The following IL22RA1 variants were observed in gnomAD, a reference collection of about 807,000 sequenced individuals.
The protein encoded by IL22RA1 is interleukin-22 receptor subunit alpha-1.
In IL22RA1, 25 loss-of-function variants were observed where a neutral mutation model predicts 32.8. That is an observed-to-expected ratio of 0.76 (90% CI 0.55 to 1.06). IL22RA1 has a LOEUF of 1.06. IL22RA1 is among the 50% of genes least tolerant of loss of function. IL22RA1 has a pLI of 0.00. For missense variants in IL22RA1, 709 were observed against 727.4 expected, an observed-to-expected ratio of 0.97 and a Z score of 0.29; for synonymous variants, 305 against 305.0, an observed-to-expected ratio of 1.00 and a Z score of 0.00.
chr1:24,125,726 G>A (rs997782632), intron 5 of IL22RA1, among the ~76,000 whole-genome samples: 1 of 152,024 alleles, frequency 6.6e-6, no homozygotes, highest in Non-Finnish European at 1.5e-5. Flanking sequence ...TGTAAAACGA[G>A]GATGATGCTA....
intron 2 of IL22RA1, 126 bp from the exon 3 acceptor site, chr1:24,137,435 G>A (rs1644250057): frequency 1.4e-6 from 1 of 730,782 alleles, no homozygotes; most frequent in Non-Finnish European, 2.2e-6. Flanking sequence ...GGCCCTTTAT[G>A]CGAATGATCT....
rs374384050 is a variant in IL22RA1, at chr1:24,134,397, G to A, written c.356-11C>T. The stretch of plus-strand genomic sequence containing the variant: ...GTGGCTTGAGGGTAGCTGGGGATAG[G>A]GAGAGAGAAAAGAGAAAAGAAAAAG... On this transcript the variant is annotated splice_polypyrimidine_tract_variant and intron_variant, in intron 3 of 6. Transcript: ENST00000270800. 1.2e-5 allele frequency: 18 copies of A among 1,466,146 alleles called. No individual in the cohort carries two copies. In the African/African-American group the frequency reaches 1.5e-4, roughly 12 times the overall value. The allele number at this position is 1,466,146 out of a possible 1,614,324, so 90.8% of individuals were successfully genotyped here. A position where few individuals can be genotyped will look rare whatever the true frequency, so the allele number is the denominator to read the frequency against.
At chr1:24,126,881 T>A (rs1209508733) in intron 5 of IL22RA1, among the ~76,000 whole-genome samples, 1 of 152,008 alleles carries the variant, frequency 6.6e-6, no homozygotes, top group African/African-American at 2.4e-5. Flanking sequence ...GATTCAAAAC[T>A]ATATCTAGGC....
Position 24,134,143 on chromosome 1 carries a change from A to G in IL22RA1, c.531+68T>C, listed in dbSNP as rs1644225496. 6 of 1,378,352 alleles carry G rather than the reference A, an allele frequency of 4.4e-6. No individual in the cohort carries two copies. In the South Asian group the frequency reaches 6.6e-5, roughly 15 times the overall value. The allele number at this position is 1,378,352 out of a possible 1,614,324, so 85.4% of individuals were successfully genotyped here. ...CATGTCCCCTTTTTTTCTTAAAGCA[A>G]CTCAGATCTAATTGGGAGGGAAGAG... On this transcript the variant is annotated intron_variant, in intron 4 of 6. Coordinates refer to ENST00000270800, the MANE Select transcript of IL22RA1 (RefSeq NM_021258.4).
intron 4 of IL22RA1, 25 bp downstream of exon 4, chr1:24,134,186 A>G: frequency 6.3e-7 from 1 of 1,578,952 alleles, no homozygotes; most frequent in Non-Finnish European, 8.6e-7. Flanking sequence ...AGGCAGAGAA[A>G]GACCAGGGTG....
chr1:24,134,752 G>T, intron 3 of IL22RA1: 1 of 693,888 alleles, frequency 1.4e-6, no homozygotes, highest in Non-Finnish European at 1.8e-6. Flanking sequence ...TGACAGCTTT[G>T]GGGATGTCAA....
intron 2 of IL22RA1, 48 bp downstream of exon 2, chr1:24,138,534 G>C (rs763277177): frequency 6.2e-7 from 1 of 1,607,170 alleles, no homozygotes; most frequent in Admixed American, 1.7e-5. Context: ...TTGGAGAGGG[G>C]CTGGCTTCAG....
chr1:24,137,873 G>T (rs75773690), intron 2 of IL22RA1, among the ~76,000 whole-genome samples: 1 of 152,168 alleles, frequency 6.6e-6, no homozygotes, highest in East Asian at 1.9e-4. Flanking sequence ...AATTGCCCAC[G>T]TGTTTGAAGT....
intron 4 of IL22RA1, 24 bp from the exon 5 acceptor site, chr1:24,128,303 G>A (rs1644178975): frequency 6.2e-7 from 1 of 1,612,596 alleles, no homozygotes; most frequent in Admixed American, 1.7e-5. Context: ...AGAATGGAAT[G>A]TGATTCCTGT....
chr1:24,134,665 GC>G (rs1224707929), intron 3 of IL22RA1, among the ~76,000 whole-genome samples: 1 of 152,132 alleles, frequency 6.6e-6, no homozygotes, highest in Non-Finnish European at 1.5e-5. Flanking sequence ...CCTTTGGCTT[GC>G]CCCCACACAT....
chr1:24,121,257 G>A lies in IL22RA1; in HGVS notation c.1273C>T (p.Leu425Phe), dbSNP rs1307459938. Residue 425 changes from leucine to phenylalanine, a missense_variant, in exon 7 of 7, where the codon CTT (leucine) becomes TTT (phenylalanine). Coordinates refer to ENST00000270800, the MANE Select transcript of IL22RA1 (RefSeq NM_021258.4). ...TTCTGAAGCTGACCTTTAGGCCTAA[G>A]GTGTTTAGGACTAGAAAGTGTCCCA... Reference protein sequence around the residue: ...PTGTLSSPKHLRPKGQLQKEP... With the variant: ...PTGTLSSPKHFRPKGQLQKEP... 1.9e-6 allele frequency: 3 copies of A among 1,614,096 alleles called. No homozygotes were observed. Among genetic ancestry groups the A allele is most frequent in the Non-Finnish European group, 8.5e-7 (1 of 1,180,046 alleles).
At chr1:24,142,381 G>T (rs1299262497) in intron 1 of IL22RA1, among the ~76,000 whole-genome samples, 1 of 152,218 alleles carries the variant, frequency 6.6e-6, no homozygotes, top group Admixed American at 6.5e-5. Flanking sequence ...AGAGAGTCTA[G>T]GGTCTCATGT....
chr1:24,141,939 G>A (rs34089279), intron 1 of IL22RA1, among the ~76,000 whole-genome samples: 20 of 152,200 alleles, frequency 1.3e-4, no homozygotes, highest in Admixed American at 4.6e-4. Context: ...CCTAAGATTG[G>A]GGGGGTGAGG....
chr1:24,124,346 G>A (rs952784445), intron 5 of IL22RA1, among the ~76,000 whole-genome samples: 3 of 152,150 alleles, frequency 2.0e-5, no homozygotes, highest in African/African-American at 7.2e-5. Context: ...GCCTGGGAAG[G>A]CACTGTCCTG....
Position 24,138,724 on chromosome 1 carries a change from G to A in IL22RA1, c.44-10C>T. 1 of 1,613,384 alleles carries A rather than the reference G, an allele frequency of 6.2e-7. No individual in the cohort carries two copies. The highest frequency in any genetic ancestry group is 8.5e-7 in the Non-Finnish European group (1 of 1,179,708). ...TCCTCAGGGGCGTGAGCTGCAGGAG[G>A]GTGGGAGGAGGGTGAGCAGGGGCTT... On this transcript the variant is annotated splice_polypyrimidine_tract_variant and intron_variant, in intron 1 of 6. Coordinates refer to ENST00000270800, the MANE Select transcript of IL22RA1 (RefSeq NM_021258.4).
chr1:24,136,499 T>G (rs1258651619), intron 3 of IL22RA1, among the ~76,000 whole-genome samples: 1 of 125,824 alleles, frequency 7.9e-6, no homozygotes, highest in Non-Finnish European at 1.8e-5. Flanking sequence ...GTGGGGACAC[T>G]GACTTAGGAG....
Position 24,138,734 on chromosome 1 carries a change from G to A in IL22RA1, c.44-20C>T. The A allele has an allele frequency of 6.2e-7, 1 of 1,611,824 alleles. No individual in the cohort carries two copies. Among genetic ancestry groups the A allele is most frequent in the Non-Finnish European group, 8.5e-7 (1 of 1,179,010 alleles). On this transcript the variant is annotated intron_variant, in intron 1 of 6. Transcript: ENST00000270800. ...CGTGAGCTGCAGGAGGGTGGGAGGAGGGTGAGCAGGGGCTTTCCCAGGGTC... is the reference window on the plus strand; with the variant it reads ...CGTGAGCTGCAGGAGGGTGGGAGGAAGGTGAGCAGGGGCTTTCCCAGGGTC...
At position 24,130,190 on chromosome 1, in the gene IL22RA1, T is replaced by A. The variant is rs572954722; in HGVS notation, c.532-1911A>T. 2.6e-5 allele frequency among the ~76,000 whole-genome samples: 4 copies of A among 152,296 alleles called. No individual in the cohort carries two copies. The South Asian group carries it at 8.3e-4, about 32-fold the overall frequency. ...AATGTCGATGGGTACATTTCCCATTTTTACTGTCTTGTAGCCTGAAGGCAG... is the reference window on the plus strand; with the variant it reads ...AATGTCGATGGGTACATTTCCCATTATTACTGTCTTGTAGCCTGAAGGCAG... On this transcript the variant is annotated intron_variant, in intron 4 of 6. Coordinates refer to ENST00000270800, the MANE Select transcript of IL22RA1 (RefSeq NM_021258.4).
chr1:24,121,863 C>T (rs1015089824), intron 6 of IL22RA1, 126 bp from the exon 7 acceptor site: 1 of 613,846 alleles, frequency 1.6e-6, no homozygotes, highest in Non-Finnish European at 2.6e-6. Context: ...ATGCGTCTGT[C>T]CCATATCCCC....
Sources: gnomAD v4.1 joint callset for allele counts (sites outside exome capture counted in the v4.1 genomes callset) on GRCh38, gnomAD v4.1.1 for gene constraint, MANE v1.5 for transcripts, NCBI Gene and HGNC (gene_info 2026-07-23, HGNC 2026-07-21) for gene names.